Variants in CCDC138 observed in about 807,000 individuals in gnomAD.
CCDC138 encodes the protein coiled-coil domain containing 138, also known as coiled-coil domain-containing protein 138.
CCDC138 carries 66 observed loss-of-function variants against 82.3 expected under a neutral mutation model. The ratio of observed to expected loss-of-function variants is 0.80; its 90% CI spans 0.66 to 0.98. The LOEUF is 0.98. Among genes scored for constraint, CCDC138 ranks in the 50% least tolerant of loss-of-function variants. The pLI, the probability that CCDC138 is intolerant of heterozygous loss-of-function variation, is 0.00. For synonymous variants in CCDC138, 297 were observed against 265.4 expected (o/e 1.12, Z -1.16); for missense variants, 816 against 758.9 (o/e 1.08, Z -0.88).
chr2:108,794,866 T>C (rs1465964875), intron 5 of CCDC138, 145 bp downstream of exon 5: 2 of 639,984 alleles, frequency 3.1e-6, no homozygotes, highest in Non-Finnish European at 5.2e-6. Context: ...AAACTCAAAT[T>C]ATAGGGACTA....
intron 5 of CCDC138, among the ~76,000 whole-genome samples, chr2:108,795,321 A>G (rs1680695937): frequency 6.6e-6 from 1 of 151,564 alleles, no homozygotes; most frequent in South Asian, 2.1e-4. Flanking sequence ...CGCCCAGCCA[A>G]TTTTTTGTAT....
chr2:108,805,031 C>T lies in CCDC138; in HGVS notation c.855+23C>T, dbSNP rs1006695787. 3.0e-6 allele frequency: 4 copies of T among 1,311,616 alleles called. No individual in the cohort carries two copies. The African/African-American group carries it at 4.5e-5, about 15-fold the overall frequency. The allele number at this position is 1,311,616 out of a possible 1,614,324, so 81.2% of individuals were successfully genotyped here. The stretch of plus-strand genomic sequence containing the variant: ...CAGGTAAGACCTGTTTTAATATATA[C>T]TGAACATAAGACATTCTAAGAAGTA... On this transcript the variant is annotated intron_variant, in intron 7 of 14. Coordinates refer to ENST00000295124, the MANE Select transcript of CCDC138 (RefSeq NM_144978.3).
At chr2:108,859,586 T>A (rs1469689432) in intron 13 of CCDC138, among the ~76,000 whole-genome samples, 1 of 151,754 alleles carries the variant, frequency 6.6e-6, no homozygotes, top group East Asian at 1.9e-4. Context: ...TATTGTGATT[T>A]TCTTTGTTGA....
chr2:108,827,039 A>G (rs1686733067), intron 10 of CCDC138, among the ~76,000 whole-genome samples: 1 of 152,090 alleles, frequency 6.6e-6, no homozygotes, highest in Non-Finnish European at 1.5e-5. Context: ...TCATTTTTGG[A>G]TTGTACATTA....
chr2:108,794,505 T>G, intron 4 of CCDC138, 35 bp from the exon 5 acceptor site: 1 of 1,554,190 alleles, frequency 6.4e-7, no homozygotes, highest in South Asian at 1.2e-5. Context: ...AATAAGTTAA[T>G]AAAGTTTATA....
At chr2:108,878,971 G>A (rs1176619377), downstream of CCDC138, among the ~76,000 whole-genome samples, 1 of 152,084 alleles carries the variant, frequency 6.6e-6, no homozygotes, top group Admixed American at 6.5e-5. Flanking sequence ...AGAATGACAG[G>A]AATGTGAACA....
At chr2:108,829,635 AC>A (rs1432379465) in intron 10 of CCDC138, among the ~76,000 whole-genome samples, 1 of 152,190 alleles carries the variant, frequency 6.6e-6, no homozygotes, top group African/African-American at 2.4e-5. Context: ...AGTCCCAGCT[AC>A]TTGGGAGGCT....
At chr2:108,819,090 G>A (rs1685241844) in intron 10 of CCDC138, among the ~76,000 whole-genome samples, 1 of 152,136 alleles carries the variant, frequency 6.6e-6, no homozygotes, top group Admixed American at 6.5e-5. Flanking sequence ...TCAACATGTT[G>A]GAGTAGGAAG....
rs1222118104 is a variant in CCDC138 at position 108,796,778 on chromosome 2, C to T, written c.577-1650C>T. Among the ~76,000 whole-genome samples, 4 of 151,934 alleles carry T rather than the reference C, an allele frequency of 2.6e-5. No individual in the cohort carries two copies. The East Asian group carries it at 5.8e-4, about 22-fold the overall frequency. ...TGGGGTGGGAACTAAAGAAGTGGGT[C>T]TCATAGAAATAGAGATGGAATGGTG... is the stretch of plus-strand genomic sequence containing the variant. On this transcript the variant is annotated intron_variant, in intron 5 of 14. Coordinates refer to ENST00000295124, the MANE Select transcript of CCDC138 (RefSeq NM_144978.3).
chr2:108,847,302 G>GT (rs1690659656), intron 12 of CCDC138, among the ~76,000 whole-genome samples: 1 of 152,148 alleles, frequency 6.6e-6, no homozygotes, highest in Non-Finnish European at 1.5e-5. Context: ...TGTAAATGAA[G>GT]TTTTCTCCCA....
chr2:108,832,274 G>C (rs1357062184), intron 10 of CCDC138, among the ~76,000 whole-genome samples: 1 of 150,878 alleles, frequency 6.6e-6, no homozygotes, highest in African/African-American at 2.4e-5. Context: ...TGATCTGCCT[G>C]CCTCAGCCTC....
chr2:108,881,018 G>T (rs1465919542), downstream of CCDC138, among the ~76,000 whole-genome samples: 3 of 152,322 alleles, frequency 2.0e-5, no homozygotes, highest in East Asian at 5.8e-4. Flanking sequence ...TGACTTTGAG[G>T]GGTTTAAGAC....
In CCDC138 at chr2:108,873,583, A is replaced by C. The variant is rs749547096; in HGVS notation, c.1826A>C (p.Lys609Thr). Residue 609 changes from lysine (K) to threonine (T), a missense_variant, in exon 14 of 15, where the codon AAA (lysine) becomes ACA (threonine). By Grantham distance (78) the Lys-to-Thr change is moderately conservative. Transcript: ENST00000295124. ...KLSIILQKLSKIKSNKKLFEL... is the reference protein window; with the variant it reads ...KLSIILQKLSTIKSNKKLFEL... ...AGTATTATTTTACAGAAACTTTCCA[A>C]AATCAAGTAAGAATTTCTTATTTCT... 2 of 1,582,226 alleles carry C rather than the reference A, an allele frequency of 1.3e-6. No homozygotes were observed. The highest frequency in any genetic ancestry group is 4.5e-5 in the East Asian group (2 of 44,660).
intron 7 of CCDC138, among the ~76,000 whole-genome samples, chr2:108,809,787 A>T (rs1461374003): frequency 7.7e-6 from 1 of 129,840 alleles, no homozygotes; most frequent in Non-Finnish European, 1.7e-5. Flanking sequence ...AATTTGACTC[A>T]TTTCCAATTT....
At chr2:108,803,795 G>A (rs568979687) in intron 6 of CCDC138, among the ~76,000 whole-genome samples, 1 of 152,036 alleles carries the variant, frequency 6.6e-6, no homozygotes, top group Non-Finnish European at 1.5e-5. Context: ...GGTTTATTTA[G>A]GGCTTTTAGC....
intron 13 of CCDC138, among the ~76,000 whole-genome samples, chr2:108,872,878 C>T (rs1252565920): frequency 1.3e-5 from 2 of 152,124 alleles, no homozygotes; most frequent in Non-Finnish European, 2.9e-5. Context: ...TCTAAATAGC[C>T]CCACAAGTCT....
intron 7 of CCDC138, among the ~76,000 whole-genome samples, chr2:108,811,562 A>C (rs142573185): frequency 1.3e-5 from 2 of 151,730 alleles, no homozygotes; most frequent in East Asian, 3.9e-4. Flanking sequence ...TTCTTAGTCT[A>C]GCTCATGGTT....
intron 13 of CCDC138, among the ~76,000 whole-genome samples, chr2:108,865,085 A>G (rs1351167919): frequency 6.6e-6 from 1 of 152,140 alleles, no homozygotes; most frequent in Non-Finnish European, 1.5e-5. Flanking sequence ...ACACAAATAC[A>G]TACACATTTT....
intron 10 of CCDC138, among the ~76,000 whole-genome samples, chr2:108,838,923 G>A (rs1248332521): frequency 6.6e-6 from 1 of 151,980 alleles, no homozygotes; most frequent in Non-Finnish European, 1.5e-5. Flanking sequence ...AATCATTTAA[G>A]GTTCATAGAG....
Sources: allele counts gnomAD v4.1 joint callset (sites outside exome capture counted in the v4.1 genomes callset), GRCh38; gene constraint gnomAD v4.1.1; transcripts MANE v1.5; gene names NCBI Gene and HGNC (gene_info 2026-07-23, HGNC 2026-07-21).